CAST: variants seen among roughly 807,000 people sequenced by gnomAD.
CAST encodes calpastatin.
CAST carries 76 observed loss-of-function variants against 119.6 expected under a neutral mutation model. That is an observed-to-expected ratio of 0.64 (90% confidence interval 0.53 to 0.77). The LOEUF is 0.77. Among genes scored for constraint, CAST ranks in the 30% least tolerant of loss-of-function variants. The pLI is 0.00. For missense variants in CAST, 953 were observed against 946.5 expected (o/e 1.01, Z -0.09); for synonymous variants, 319 against 331.6 (o/e 0.96, Z 0.41).
At chr5:96,001,044 T>A in the CAST span, among the ~76,000 whole-genome samples, 10 of 152,320 alleles carry the variant, frequency 6.6e-5, no homozygotes, top group South Asian at 4.1e-4. Context: ...CTACCACTAA[T>A]TAGCTTTGTG....
At chr5:95,999,005 G>A in the CAST span, among the ~76,000 whole-genome samples, 8 of 152,010 alleles carry the variant, frequency 5.3e-5, no homozygotes, top group South Asian at 2.1e-4. Context: ...GATTAGTGAC[G>A]TTGAGCATTT....
the CAST span, among the ~76,000 whole-genome samples, chr5:96,343,236 G>T: frequency 6.6e-6 from 1 of 151,790 alleles, no homozygotes; most frequent in South Asian, 2.1e-4. Flanking sequence ...AAAATTTAAA[G>T]ACCTCAGCTG....
rs570589580 is a variant in CAST at position 96,746,958 on chromosome 5, T to C, written c.1285-387T>C. 2.0e-5 allele frequency among the ~76,000 whole-genome samples: 3 copies of C among 152,308 alleles called. No homozygotes were observed. The South Asian group carries it at 6.2e-4, about 32-fold the overall frequency. The stretch of plus-strand genomic sequence containing the variant: ...TACAATTCTAAGTTATGAAACCTCA[T>C]ATCCAAAAAAACTAAACAGTGTTAT... On this transcript the variant is annotated intron_variant, in intron 17 of 31. Transcript: ENST00000675179.
the CAST span, among the ~76,000 whole-genome samples, chr5:96,021,225 T>C: frequency 2.0e-5 from 3 of 152,298 alleles, no homozygotes; most frequent in African/African-American, 7.2e-5. Context: ...GAGGTTTATC[T>C]GTATAACTGT....
At chr5:96,470,619 T>A in the CAST span, among the ~76,000 whole-genome samples, 1 of 152,058 alleles carries the variant, frequency 6.6e-6, no homozygotes, top group South Asian at 2.1e-4. Context: ...CTTGGTATGC[T>A]TAGTTAATGT....
At chr5:96,617,807 A>AAC in intron 1 of CAST, among the ~76,000 whole-genome samples, 1 of 127,218 alleles carries the variant, frequency 7.9e-6, no homozygotes, top group African/African-American at 3.2e-5. Flanking sequence ...AAAAAAAAAA[A>AAC]AAAAAAAAAA....
chr5:96,489,222 A>AGT, the CAST span, among the ~76,000 whole-genome samples: 2 of 37,838 alleles, frequency 5.3e-5, no homozygotes, highest in South Asian at 1.3e-3. Flanking sequence ...TTTAGGTTCC[A>AGT]ATAGACTCAT....
chr5:96,317,227 G>A, the CAST span, among the ~76,000 whole-genome samples: 1 of 151,374 alleles, frequency 6.6e-6, no homozygotes, highest in Non-Finnish European at 1.5e-5. Flanking sequence ...ACTTTGGGAG[G>A]CCAAGGCAGG....
chr5:96,002,081 A>T, the CAST span, among the ~76,000 whole-genome samples: 1 of 152,246 alleles, frequency 6.6e-6, no homozygotes, highest in Non-Finnish European at 1.5e-5. Flanking sequence ...TTCAGCTTAC[A>T]TTTTATTCAT....
At chr5:96,503,868 C>G in the CAST span, among the ~76,000 whole-genome samples, 9 of 152,138 alleles carry the variant, frequency 5.9e-5, no homozygotes, top group African/African-American at 1.9e-4. Flanking sequence ...GCGCTTCACT[C>G]TCATTCCTGA....
At chr5:96,630,306 G>C in intron 1 of CAST, among the ~76,000 whole-genome samples, 1 of 152,168 alleles carries the variant, frequency 6.6e-6, no homozygotes, top group East Asian at 1.9e-4. Context: ...GTCTTCTCTA[G>C]AAAAAGACTA....
At chr5:95,964,548 A>G in the CAST span, among the ~76,000 whole-genome samples, 1 of 152,210 alleles carries the variant, frequency 6.6e-6, no homozygotes, top group Non-Finnish European at 1.5e-5. Context: ...ATTCAAAGAA[A>G]GGAGAAGTCT....
upstream of CAST, among the ~76,000 whole-genome samples, chr5:96,523,216 C>G (rs1745545021): frequency 6.6e-6 from 1 of 152,166 alleles, no homozygotes; most frequent in Non-Finnish European, 1.5e-5. Flanking sequence ...CCTGGTGTGC[C>G]CACACATGGC....
chr5:96,094,972 G>A, the CAST span, among the ~76,000 whole-genome samples: 54 of 152,088 alleles, frequency 3.6e-4, no homozygotes, highest in Middle Eastern at 3.4e-3. Flanking sequence ...TCTTACAATG[G>A]CCTGCTTGCC....
the CAST span, among the ~76,000 whole-genome samples, chr5:96,169,118 G>C: frequency 5.9e-5 from 9 of 152,152 alleles, 1 homozygote; most frequent in South Asian, 4.1e-4. Flanking sequence ...TTGTAGAAGG[G>C]ATTGGGGTTT....
the CAST span, among the ~76,000 whole-genome samples, chr5:96,097,119 CA>C: frequency 1.3e-5 from 2 of 151,106 alleles, no homozygotes; most frequent in Non-Finnish European, 3.0e-5. Context: ...TGAGCCTTTC[CA>C]AAGAAATGAT....
At chr5:96,387,083 G>T in the CAST span, among the ~76,000 whole-genome samples, 1 of 152,186 alleles carries the variant, frequency 6.6e-6, no homozygotes, top group African/African-American at 2.4e-5. Flanking sequence ...TTGTATATGA[G>T]TAAATAAGGC....
the CAST span, among the ~76,000 whole-genome samples, chr5:96,436,641 A>T: frequency 6.6e-6 from 1 of 152,174 alleles, no homozygotes; most frequent in Non-Finnish European, 1.5e-5. Context: ...TCTATATGAA[A>T]ATGCCTATAG....
chr5:95,967,086 A>G, the CAST span, among the ~76,000 whole-genome samples: 2 of 152,230 alleles, frequency 1.3e-5, no homozygotes, highest in African/African-American at 4.8e-5. Context: ...TACCATTTCC[A>G]TGCTGTTTTG....
Sources: gnomAD v4.1 joint callset for allele counts (sites outside exome capture counted in the v4.1 genomes callset) on GRCh38, gnomAD v4.1.1 for gene constraint, MANE v1.5 for transcripts, NCBI Gene and HGNC (gene_info 2026-07-23, HGNC 2026-07-21) for gene names.